The following CCDC148 variants were observed in gnomAD, a reference collection of about 807,000 sequenced individuals.
The protein encoded by CCDC148 is coiled-coil domain containing 148, also known as coiled-coil domain-containing protein 148.
A neutral mutation model predicts 85.7 loss-of-function variants in CCDC148; 89 were observed. That is an observed-to-expected ratio of 1.04 (90% confidence interval 0.87 to 1.24). CCDC148 has a LOEUF of 1.24. Ranked by LOEUF, CCDC148 falls within the 50% of genes most tolerant of loss-of-function variation. The pLI is 0.00. For missense variants in CCDC148, 692 were observed against 671.7 expected (o/e 1.03, Z -0.33); for synonymous variants, 230 against 213.9 (o/e 1.08, Z -0.66).
chr2:158,413,514 T>G (rs986155552), intron 1 of CCDC148, among the ~76,000 whole-genome samples: 1 of 152,132 alleles, frequency 6.6e-6, no homozygotes, highest in Non-Finnish European at 1.5e-5. Flanking sequence ...AGCCCAGCTG[T>G]AGGTTAGCTA....
In CCDC148 at chr2:158,306,943, C is replaced by T. The variant is rs535900501; in HGVS notation, c.1110+2490G>A. Among the ~76,000 whole-genome samples the T allele has an allele frequency of 6.0e-4, 90 of 151,242 alleles. 1 individual carries two copies. The highest frequency in any genetic ancestry group is 1.9e-3 in the African/African-American group (77 of 41,202). ...CTGAGGCAGGAGAATGGCGTGAACC[C>T]GGGAGGCGCAGCTTGCAGTGAGCTG... On this transcript the variant is annotated intron_variant, in intron 9 of 13. Coordinates refer to ENST00000283233, the MANE Select transcript of CCDC148 (RefSeq NM_138803.4).
At chr2:158,332,241 G>T (rs556143329) in intron 7 of CCDC148, among the ~76,000 whole-genome samples, 1 of 151,754 alleles carries the variant, frequency 6.6e-6, no homozygotes, top group Non-Finnish European at 1.5e-5. Flanking sequence ...GTCTGTAAAG[G>T]ATTTTATTTC....
At chr2:158,349,056 A>G (rs6437168) in intron 2 of CCDC148, among the ~76,000 whole-genome samples, 52,604 of 151,698 alleles carry the variant, frequency 0.35, 9,361 homozygotes, top group African/African-American at 0.42. Context: ...AGTCTTATAT[A>G]GCTGGCATCG....
At chr2:158,424,021 T>C (rs926576499) in intron 1 of CCDC148, among the ~76,000 whole-genome samples, 1 of 152,050 alleles carries the variant, frequency 6.6e-6, no homozygotes, top group Non-Finnish European at 1.5e-5. Context: ...AATGAGATAC[T>C]ATCTCACACC....
chr2:158,257,165 T>C (rs1345298074), intron 9 of CCDC148, among the ~76,000 whole-genome samples: 4 of 151,734 alleles, frequency 2.6e-5, no homozygotes, highest in Non-Finnish European at 1.5e-5. Flanking sequence ...TCCTCAGTCC[T>C]AGCTGTTTCA....
intron 11 of CCDC148, among the ~76,000 whole-genome samples, chr2:158,184,800 C>T (rs1371731918): frequency 2.6e-5 from 4 of 152,118 alleles, no homozygotes; most frequent in South Asian, 2.1e-4. Context: ...GAGCGTACAT[C>T]AAAATCACCT....
At chr2:158,352,033 A>G (rs1428199213) in intron 2 of CCDC148, among the ~76,000 whole-genome samples, 2 of 140,974 alleles carry the variant, frequency 1.4e-5, no homozygotes, top group African/African-American at 5.5e-5. Context: ...TTAGAAGGAA[A>G]ACTAACAAAC....
intron 9 of CCDC148, among the ~76,000 whole-genome samples, chr2:158,300,416 T>C (rs1207253762): frequency 6.6e-6 from 1 of 152,120 alleles, no homozygotes; most frequent in African/African-American, 2.4e-5. Flanking sequence ...GTTTTTAGTG[T>C]GACATAATCA....
intron 11 of CCDC148, among the ~76,000 whole-genome samples, chr2:158,193,899 C>G (rs1574374122): frequency 7.6e-6 from 1 of 131,828 alleles, no homozygotes. Context: ...GATGTTCCCC[C>G]TTCTGTGTCC....
chr2:158,211,140 C>G (rs546076092), intron 11 of CCDC148, among the ~76,000 whole-genome samples: 2 of 151,716 alleles, frequency 1.3e-5, no homozygotes, highest in Admixed American at 1.3e-4. Flanking sequence ...CCTATGTAAC[C>G]AACCTGTACA....
chr2:158,399,340 C>A (rs890707395), intron 1 of CCDC148, among the ~76,000 whole-genome samples: 3 of 152,050 alleles, frequency 2.0e-5, no homozygotes, highest in Non-Finnish European at 4.4e-5. Context: ...AATATTAGGC[C>A]AATATACCTG....
intron 11 of CCDC148, among the ~76,000 whole-genome samples, chr2:158,197,768 T>TA (rs1436538573): frequency 6.6e-6 from 1 of 152,152 alleles, no homozygotes; most frequent in African/African-American, 2.4e-5. Flanking sequence ...TAATGATAGA[T>TA]ACAGTTTCTA....
chr2:158,452,378 C>T (rs138182280), intron 1 of CCDC148, among the ~76,000 whole-genome samples: 66 of 152,238 alleles, frequency 4.3e-4, no homozygotes, highest in African/African-American at 1.5e-3. Flanking sequence ...CCAAGTAGAT[C>T]CTTTCCTGGT....
intron 11 of CCDC148, among the ~76,000 whole-genome samples, chr2:158,198,960 G>C (rs1162547229): frequency 1.3e-5 from 2 of 152,130 alleles, no homozygotes; most frequent in Non-Finnish European, 2.9e-5. Flanking sequence ...TTTTAAGGGA[G>C]GAGACCAAAA....
intron 7 of CCDC148, among the ~76,000 whole-genome samples, chr2:158,331,656 T>C (rs1693130670): frequency 6.6e-6 from 1 of 152,166 alleles, no homozygotes; most frequent in African/African-American, 2.4e-5. Flanking sequence ...TCTTTGTAGG[T>C]CACTCAGGAC....
At chr2:158,392,282 C>A (rs1574741800) in intron 1 of CCDC148, among the ~76,000 whole-genome samples, 1 of 152,254 alleles carries the variant, frequency 6.6e-6, no homozygotes, top group Non-Finnish European at 1.5e-5. Context: ...CTCTATTCTG[C>A]AACAGCTCTG....
At chr2:158,183,525 T>G (rs1685007115) in intron 11 of CCDC148, among the ~76,000 whole-genome samples, 1 of 152,126 alleles carries the variant, frequency 6.6e-6, no homozygotes, top group African/African-American at 2.4e-5. Flanking sequence ...AAAAGACTTC[T>G]GACAAATGGT....
rs1057057648 is a variant in CCDC148, at chr2:158,177,101, G to C, written c.1489-440C>G. Among the ~76,000 whole-genome samples, 6 of 151,984 alleles carry C rather than the reference G, an allele frequency of 3.9e-5. No homozygotes were observed. The South Asian group carries it at 8.3e-4, about 21-fold the overall frequency. The stretch of plus-strand genomic sequence containing the variant: ...GTTTCCTAGGAAGTTTAACCTGATT[G>C]AACTGGATCTAGAGCATATAATTCT... On this transcript the variant is annotated intron_variant, in intron 12 of 13. Transcript: ENST00000283233.
At chr2:158,392,172 C>T (rs767877765) in intron 1 of CCDC148, among the ~76,000 whole-genome samples, 9 of 152,106 alleles carry the variant, frequency 5.9e-5, no homozygotes, top group Non-Finnish European at 1.3e-4. Flanking sequence ...TATATTCATT[C>T]TTCTATTGAT....
Sources: gnomAD v4.1 joint callset for allele counts (sites outside exome capture counted in the v4.1 genomes callset) on GRCh38, gnomAD v4.1.1 for gene constraint, MANE v1.5 for transcripts, NCBI Gene and HGNC (gene_info 2026-07-23, HGNC 2026-07-21) for gene names.